SHC2: variants seen among roughly 807,000 people sequenced by gnomAD.
SHC2 encodes SHC-transforming protein 2.
In SHC2, 62 loss-of-function variants were observed where a neutral mutation model predicts 60.6. The observed-to-expected ratio is 1.02, with a 90% CI of 0.83 to 1.26. The LOEUF is 1.26. Ranked by LOEUF, SHC2 falls within the 50% of genes most tolerant of loss-of-function variation. The pLI is 0.00. For synonymous variants in SHC2, 375 were observed against 372.4 expected (o/e 1.01, Z -0.08); for missense variants, 873 against 822.2 (o/e 1.06, Z -0.76).
chr19:438,847 G>T lies in SHC2; in HGVS notation c.601-10C>A. On this transcript the variant is annotated splice_polypyrimidine_tract_variant and intron_variant, in intron 3 of 12. Transcript: ENST00000264554. This position sits in a 1 kb window ranked among gnomAD's most constrained non-coding sequence, Gnocchi z 5.0. ...GGGCCTTGTTGGGGGCCTGAGTTGG[G>T]GGCGGAGCACAGCGAGGGCGGCTGT... The T allele has an allele frequency of 6.4e-7, 1 of 1,562,958 alleles. No homozygotes were observed. Among genetic ancestry groups the T allele is most frequent in the Non-Finnish European group, 8.7e-7 (1 of 1,154,676 alleles).
intron 4 of SHC2, among the ~76,000 whole-genome samples, chr19:437,247 C>T (rs1223927339): frequency 3.3e-5 from 5 of 151,436 alleles, no homozygotes; most frequent in African/African-American, 9.8e-5. Context: ...AGCTCATCTG[C>T]GTGCTCGTTT....
intron 12 of SHC2, among the ~76,000 whole-genome samples, chr19:418,551 G>C (rs1974202856): frequency 6.6e-6 from 1 of 152,236 alleles, no homozygotes; most frequent in South Asian, 2.1e-4. Context: ...TCTGGCCCGG[G>C]CCACGGCGCA....
chr19:430,591 A>T, intron 9 of SHC2, 93 bp downstream of exon 9: 1 of 926,056 alleles, frequency 1.1e-6, no homozygotes, highest in Non-Finnish European at 1.7e-6. Flanking sequence ...AAATAAGCAG[A>T]GAGGAGAAAG....
At position 419,053 on chromosome 19, in the gene SHC2, G is replaced by A. The variant is rs61761935; in HGVS notation, c.1624C>T (p.Arg542Trp). 4.7e-5 allele frequency: 75 copies of A among 1,579,552 alleles called. No individual in the cohort carries two copies. Among genetic ancestry groups the A allele is most frequent in the East Asian group, 7.0e-5 (3 of 43,084 alleles). ...LLLVDPEGVV[R>W]TKDVLFESIS... The stretch of plus-strand genomic sequence containing the variant: ...CTCTCAAACAGCACGTCCTTCGTCC[G>A]TACCTGCGGGACAGAGACCTCGGCA... The change falls in exon 12 of 13, where the codon CGG becomes TGG. Residue 542 changes from arginine to tryptophan, a missense_variant. Physicochemically the swap from Arg to Trp is moderately radical, Grantham distance 101. Transcript: ENST00000264554.
In SHC2 at chr19:445,771, C is replaced by A. The variant is rs758769137; in HGVS notation, c.469-4839G>T. Among the ~76,000 whole-genome samples the A allele has an allele frequency of 2.0e-5, 3 of 152,006 alleles. No homozygotes were observed. The highest frequency in any genetic ancestry group is 4.4e-5 in the Non-Finnish European group (3 of 67,994). On this transcript the variant is annotated intron_variant, in intron 1 of 12. Coordinates refer to ENST00000264554, the MANE Select transcript of SHC2 (RefSeq NM_012435.3). The surrounding 1 kb of genome is among the most constrained non-coding windows in gnomAD (Gnocchi z 4.4). ...CATTTTTGCCGGGCGCGGTGGCTCA[C>A]GCCTGTAATCCCAGCACTTTGGGAG... is the stretch of plus-strand genomic sequence containing the variant.
intron 1 of SHC2, among the ~76,000 whole-genome samples, chr19:454,223 T>C (rs1271398421): frequency 6.6e-6 from 1 of 152,162 alleles, no homozygotes; most frequent in Non-Finnish European, 1.5e-5. Flanking sequence ...CCCATGTGAC[T>C]CACGGCAGCC....
chr19:437,332 G>A (rs549232279), intron 4 of SHC2, among the ~76,000 whole-genome samples: 13 of 151,914 alleles, frequency 8.6e-5, no homozygotes, highest in Admixed American at 5.9e-4. Flanking sequence ...GCTCATCTGC[G>A]TGCTTGTTTG....
chr19:418,977 G>T lies in SHC2; in HGVS notation c.1700C>A (p.Ala567Asp), dbSNP rs747172526. The stretch of plus-strand genomic sequence containing the variant: ...ACGCAGGTGCAGCTCACTCTCGGCG[G>T]CCACGATGGGCTGCCCGTTCTGCAG... ...HHLQNGQPIV[A>D]AESELHLRGV... Residue 567 changes from alanine (A) to aspartate (D), a missense_variant, in exon 12 of 13, where the codon GCC (alanine) becomes GAC (aspartate). Physicochemically the swap from Ala to Asp is moderately radical, Grantham distance 126. Transcript: ENST00000264554. The T allele has an allele frequency of 1.3e-6, 2 of 1,585,262 alleles. No individual in the cohort carries two copies. Among genetic ancestry groups the T allele is most frequent in the South Asian group, 2.3e-5 (2 of 86,614 alleles).
chr19:436,435 G>A lies in SHC2; in HGVS notation c.775-4C>T. On this transcript the variant is annotated splice_polypyrimidine_tract_variant and splice_region_variant and intron_variant, in intron 5 of 12. Coordinates refer to ENST00000264554, the MANE Select transcript of SHC2 (RefSeq NM_012435.3). ...AGGCCACGTAATCCGTCATGTCCTGGGGGCGGGGAGGGGCCAGCTGGACCT... is the reference window on the plus strand; with the variant it reads ...AGGCCACGTAATCCGTCATGTCCTGAGGGCGGGGAGGGGCCAGCTGGACCT... The A allele has an allele frequency of 1.2e-6, 2 of 1,601,302 alleles. No individual in the cohort carries two copies. The highest frequency in any genetic ancestry group is 1.7e-6 in the Non-Finnish European group (2 of 1,173,762).
At chr19:439,824 G>A (rs1004632635) in intron 2 of SHC2, among the ~76,000 whole-genome samples, 10 of 152,116 alleles carry the variant, frequency 6.6e-5, no homozygotes, top group South Asian at 2.1e-4. Flanking sequence ...TCAGGGGTTC[G>A]AGACCGGTCT....
At chr19:429,108 C>A (rs540643274) in intron 9 of SHC2, among the ~76,000 whole-genome samples, 50 of 149,588 alleles carry the variant, frequency 3.3e-4, no homozygotes, top group Admixed American at 6.0e-4. Flanking sequence ...CTATACCCAA[C>A]GTGCACGGAA....
chr19:455,007 ATAAAGACGGCAGTCACCG>A (rs1370401127), intron 1 of SHC2, among the ~76,000 whole-genome samples: 2 of 152,148 alleles, frequency 1.3e-5, no homozygotes, highest in African/African-American at 4.8e-5. Context: ...TCAGCTTCTC[ATAAAGACGGCAGTCACCG>A]GGTCAGGGTG....
intron 9 of SHC2, among the ~76,000 whole-genome samples, chr19:430,293 C>G (rs1242979099): frequency 6.6e-6 from 1 of 151,534 alleles, no homozygotes; most frequent in African/African-American, 2.4e-5. Flanking sequence ...CCCCAACGTG[C>G]ACAGAAACCT....
At chr19:430,110 C>T (rs1003827120) in intron 9 of SHC2, among the ~76,000 whole-genome samples, 3 of 147,986 alleles carry the variant, frequency 2.0e-5, no homozygotes, top group African/African-American at 2.5e-5. Context: ...AACCTAATAC[C>T]GTGTGGATGA....
chr19:430,418 A>C (rs549952770), intron 9 of SHC2, among the ~76,000 whole-genome samples: 1 of 152,174 alleles, frequency 6.6e-6, no homozygotes, highest in Admixed American at 6.5e-5. Flanking sequence ...CATGTGGATG[A>C]CACAGTACCT....
chr19:424,971 A>G lies in SHC2; in HGVS notation c.1309+126T>C. The G allele has an allele frequency of 9.3e-7, 1 of 1,071,080 alleles. No homozygotes were observed. The highest frequency in any genetic ancestry group is 2.9e-5 in the East Asian group (1 of 34,560). 66.3% of individuals were successfully genotyped at this position (1,071,080 alleles called of 1,614,324 possible). On this transcript the variant is annotated intron_variant, in intron 10 of 12. Transcript: ENST00000264554. This position sits in a 1 kb window ranked among gnomAD's most constrained non-coding sequence, Gnocchi z 4.5. ...CCCACCCGTCGACTTGAAGGATCTC[A>G]CGGGGAGAAGGGAGCCTCCCCCATC...
In SHC2 at chr19:441,914, G is replaced by A. The variant is rs1321699464; in HGVS notation, c.469-982C>T. 6.6e-6 allele frequency among the ~76,000 whole-genome samples: 1 copy of A among 152,262 alleles called. No individual in the cohort carries two copies. Among genetic ancestry groups the A allele is most frequent in the East Asian group, 1.9e-4 (1 of 5,204 alleles). ...CTTTACCCCACAGATACATCAGCCT[G>A]AGGGCTTCTGAGGTGTGTACAGGTC... is the stretch of plus-strand genomic sequence containing the variant. On this transcript the variant is annotated intron_variant, in intron 1 of 12. Coordinates refer to ENST00000264554, the MANE Select transcript of SHC2 (RefSeq NM_012435.3). The surrounding 1 kb of genome is among the most constrained non-coding windows in gnomAD (Gnocchi z 4.9).
chr19:435,362 G>T (rs568823397), intron 7 of SHC2, among the ~76,000 whole-genome samples: 139 of 152,368 alleles, frequency 9.1e-4, no homozygotes, highest in African/African-American at 3.2e-3. Flanking sequence ...TTATGAAGCA[G>T]CCTACGGAAG....
intron 9 of SHC2, among the ~76,000 whole-genome samples, chr19:429,654 G>T (rs12984356): frequency 1.3e-5 from 1 of 76,076 alleles, no homozygotes; most frequent in East Asian, 3.2e-4. Flanking sequence ...CAACATGCAC[G>T]GAAATCTCAT....
Sources: gnomAD v4.1 joint callset for allele counts (sites outside exome capture counted in the v4.1 genomes callset) on GRCh38, gnomAD v4.1.1 for gene constraint, Gnocchi (gnomAD v3.1) non-coding constraint, MANE v1.5 for transcripts, NCBI Gene and HGNC (gene_info 2026-07-23, HGNC 2026-07-21) for gene names.